The following SDK1 variants were observed in gnomAD, a reference collection of about 807,000 sequenced individuals.
SDK1 encodes sidekick cell adhesion molecule 1.
In SDK1, 157 loss-of-function variants were observed where a neutral mutation model predicts 245.5. That is an observed-to-expected ratio of 0.64 (90% CI 0.56 to 0.73). The LOEUF is 0.73. Ranked by LOEUF, SDK1 falls within the 30% of genes least tolerant of loss-of-function variation. The probability of loss-of-function intolerance (pLI) is 0.00; values close to 1 mark genes in which losing one functional copy is unlikely to be tolerated. For missense variants in SDK1, 3,583 were observed against 3,002.3 expected (o/e 1.19, Z -4.52); for synonymous variants, 1,647 against 1,278.5 (o/e 1.29, Z -6.15).
At chr7:4,182,497 C>G (rs1210377391) in intron 35 of SDK1, among the ~76,000 whole-genome samples, 3 of 152,172 alleles carry the variant, frequency 2.0e-5, no homozygotes, top group South Asian at 4.1e-4. Context: ...CTGGGGAAAC[C>G]CTGCACCCAG....
Position 3,891,444 on chromosome 7 carries a change from C to T in SDK1, c.848-59479C>T, listed in dbSNP as rs114103699. ...TCCTGCCCATAGGAAGGATGAATGC[C>T]GAGGATCGTTTTAGATCTCAAATGC... On this transcript the variant is annotated intron_variant, in intron 5 of 44. Transcript: ENST00000404826. 7.0e-3 allele frequency among the ~76,000 whole-genome samples: 1,070 copies of T among 152,252 alleles called. 12 individuals carry two copies. Among genetic ancestry groups the T allele is most frequent in the African/African-American group, 0.023 (971 of 41,548 alleles).
At chr7:3,916,111 C>A (rs575547334) in intron 5 of SDK1, among the ~76,000 whole-genome samples, 26 of 152,074 alleles carry the variant, frequency 1.7e-4, no homozygotes, top group African/African-American at 6.0e-4. Flanking sequence ...TTTGGAACTT[C>A]AGTATTTAGA....
At chr7:3,526,890 G>A (rs1783156064) in intron 1 of SDK1, among the ~76,000 whole-genome samples, 1 of 152,080 alleles carries the variant, frequency 6.6e-6, no homozygotes, top group South Asian at 2.1e-4. Flanking sequence ...TGTCATTTGG[G>A]CAGCTGAGAA....
chr7:3,653,563 G>C (rs1783071608), intron 4 of SDK1, among the ~76,000 whole-genome samples: 1 of 152,122 alleles, frequency 6.6e-6, no homozygotes, highest in Non-Finnish European at 1.5e-5. Flanking sequence ...GAGGAAGGTA[G>C]GGATTCCAGG....
chr7:3,971,643 A>G lies in SDK1; in HGVS notation c.1817+75A>G, dbSNP rs1782495435. On this transcript the variant is annotated intron_variant, in intron 12 of 44. Coordinates refer to ENST00000404826, the MANE Select transcript of SDK1 (RefSeq NM_152744.4). ...TTTCTGAAGTGAAGTTGAGATGAGG[A>G]GGAAGAATTGGGGGAACTTTTGATT... The G allele has an allele frequency of 2.7e-6, 3 of 1,110,770 alleles. No homozygotes were observed. In the South Asian group the frequency reaches 4.0e-5, roughly 15 times the overall value. 68.8% of individuals were successfully genotyped at this position (1,110,770 alleles called of 1,614,324 possible). A position where few individuals can be genotyped will look rare whatever the true frequency, so the allele number is the denominator to read the frequency against.
chr7:3,647,185 A>T (rs974342650), intron 4 of SDK1, among the ~76,000 whole-genome samples: 3 of 152,240 alleles, frequency 2.0e-5, no homozygotes, highest in Non-Finnish European at 4.4e-5. Context: ...CAGTAGCTTG[A>T]AGCTGCAGTG....
chr7:3,676,151 G>T (rs1051131708), intron 4 of SDK1, among the ~76,000 whole-genome samples: 1 of 151,764 alleles, frequency 6.6e-6, no homozygotes, highest in Non-Finnish European at 1.5e-5. Context: ...TTTTTTTGTG[G>T]AGACGGGGTC....
chr7:3,857,393 C>A (rs1158901100), intron 5 of SDK1, among the ~76,000 whole-genome samples: 1 of 152,048 alleles, frequency 6.6e-6, no homozygotes, highest in African/African-American at 2.4e-5. Context: ...CGTAGAAAAC[C>A]TAAGACAGGC....
At chr7:4,185,828 A>G (rs1782858138) in intron 35 of SDK1, among the ~76,000 whole-genome samples, 2 of 151,526 alleles carry the variant, frequency 1.3e-5, no homozygotes, top group Non-Finnish European at 2.9e-5. Flanking sequence ...GGAGGGAGAG[A>G]AACACATTTA....
At chr7:3,305,499 G>T (rs1779393749) in intron 1 of SDK1, among the ~76,000 whole-genome samples, 1 of 152,156 alleles carries the variant, frequency 6.6e-6, no homozygotes, top group Non-Finnish European at 1.5e-5. Context: ...TTGCTAGAGT[G>T]TTGAGTTCAC....
At chr7:3,985,799 GT>G (rs1393986925) in intron 13 of SDK1, among the ~76,000 whole-genome samples, 10 of 152,150 alleles carry the variant, frequency 6.6e-5, no homozygotes, top group Admixed American at 3.9e-4. Context: ...GTGCGTATGG[GT>G]TAGAGCTGTT....
intron 1 of SDK1, among the ~76,000 whole-genome samples, chr7:3,405,338 A>G (rs910630759): frequency 3.3e-5 from 5 of 152,164 alleles, no homozygotes; most frequent in African/African-American, 1.2e-4. Flanking sequence ...TGTCCAGAAG[A>G]TTCAGAGCCT....
chr7:3,507,830 T>C (rs1411232394), intron 1 of SDK1, among the ~76,000 whole-genome samples: 3 of 152,216 alleles, frequency 2.0e-5, no homozygotes, highest in African/African-American at 4.8e-5. Context: ...CCTGCCCTTA[T>C]CTAATTCCCA....
At chr7:3,601,871 C>T (rs1781265017) in intron 1 of SDK1, among the ~76,000 whole-genome samples, 2 of 141,258 alleles carry the variant, frequency 1.4e-5, no homozygotes, top group African/African-American at 5.4e-5. Flanking sequence ...TGTTCCCCTT[C>T]CTGTGTCCAT....
At chr7:4,083,536 C>CCCTA (rs1781200263) in intron 22 of SDK1, among the ~76,000 whole-genome samples, 3 of 93,598 alleles carry the variant, frequency 3.2e-5, no homozygotes, top group African/African-American at 1.8e-4. Context: ...CTCCCTCCCT[C>CCCTA]CCTCCCTCCC....
At chr7:4,250,558 T>C (rs1212384933) in intron 44 of SDK1, among the ~76,000 whole-genome samples, 1 of 152,188 alleles carries the variant, frequency 6.6e-6, no homozygotes, top group Admixed American at 6.5e-5. Flanking sequence ...TTGGCCAGGC[T>C]GGTCTCGAAC....
chr7:3,736,715 T>A (rs1224223062), intron 4 of SDK1, among the ~76,000 whole-genome samples: 1 of 152,200 alleles, frequency 6.6e-6, no homozygotes, highest in Admixed American at 6.5e-5. Context: ...TTGATATACA[T>A]ATGTATTGGG....
chr7:4,235,548 T>C (rs1786105505), intron 41 of SDK1, among the ~76,000 whole-genome samples: 1 of 152,242 alleles, frequency 6.6e-6, no homozygotes, highest in South Asian at 2.1e-4. Flanking sequence ...ATTTTAAATG[T>C]ACCCCAAAGT....
At chr7:3,505,663 T>G (rs1371301238) in intron 1 of SDK1, among the ~76,000 whole-genome samples, 1 of 152,228 alleles carries the variant, frequency 6.6e-6, no homozygotes, top group African/African-American at 2.4e-5. Flanking sequence ...GTATGCTGAT[T>G]TTTTTCAATA....
Sources: allele counts gnomAD v4.1 joint callset (sites outside exome capture counted in the v4.1 genomes callset), GRCh38; gene constraint gnomAD v4.1.1; transcripts MANE v1.5; gene names NCBI Gene and HGNC (gene_info 2026-07-23, HGNC 2026-07-21).